SH3BGRL2: variants seen among roughly 807,000 people sequenced by gnomAD.
SH3BGRL2 encodes the protein SH3 domain-binding glutamic acid-rich-like protein 2.
Under a neutral mutation model 14.8 loss-of-function variants are expected in SH3BGRL2, and 21 were observed. The observed-to-expected ratio is 1.42, with a 90% CI of 1.01 to 2.05. The LOEUF is 2.05. Ranked by LOEUF, SH3BGRL2 falls within the 30% of genes most tolerant of loss-of-function variation. The pLI is 0.00. For synonymous variants in SH3BGRL2, 50 were observed against 47.8 expected, an observed-to-expected ratio of 1.05 and a Z score of -0.19; for missense variants, 147 against 130.8, an observed-to-expected ratio of 1.12 and a Z score of -0.61.
intron 1 of SH3BGRL2, among the ~76,000 whole-genome samples, chr6:79,655,480 TC>T (rs1769388239): frequency 6.6e-6 from 1 of 152,128 alleles, no homozygotes; most frequent in African/African-American, 2.4e-5. Context: ...ACTATACAAT[TC>T]GGTGGCTTTC....
the SH3BGRL2 span, among the ~76,000 whole-genome samples, chr6:79,625,342 A>G: frequency 3.9e-5 from 6 of 152,080 alleles, no homozygotes; most frequent in Non-Finnish European, 8.8e-5. Context: ...GGTTTCTGTT[A>G]ATTAAGATTT....
intron 1 of SH3BGRL2, among the ~76,000 whole-genome samples, chr6:79,648,474 G>A (rs1388393243): frequency 6.6e-6 from 1 of 150,798 alleles, no homozygotes; most frequent in Non-Finnish European, 1.5e-5. Context: ...AAAGCCAGTG[G>A]CATTGCTATT....
the SH3BGRL2 span, among the ~76,000 whole-genome samples, chr6:79,580,359 G>A: frequency 6.6e-5 from 10 of 152,116 alleles, no homozygotes; most frequent in South Asian, 6.2e-4. Flanking sequence ...GCATCACATC[G>A]CACCTACTCT....
At chr6:79,623,798 C>T in the SH3BGRL2 span, among the ~76,000 whole-genome samples, 1 of 152,096 alleles carries the variant, frequency 6.6e-6, no homozygotes, top group Non-Finnish European at 1.5e-5. Context: ...ATTCAGTAGG[C>T]CCCTCAAAAA....
At chr6:79,611,089 A>G in the SH3BGRL2 span, among the ~76,000 whole-genome samples, 235 of 152,310 alleles carry the variant, frequency 1.5e-3, 1 homozygote, top group Middle Eastern at 6.8e-3. Flanking sequence ...TTATTTTTAT[A>G]TATCAGCTTT....
chr6:79,537,913 A>G, the SH3BGRL2 span, among the ~76,000 whole-genome samples: 1 of 149,300 alleles, frequency 6.7e-6, no homozygotes, highest in South Asian at 2.1e-4. Flanking sequence ...CTGCCTCGAG[A>G]TCCTGGCTGT....
At chr6:79,581,243 G>T in the SH3BGRL2 span, among the ~76,000 whole-genome samples, 4 of 152,124 alleles carry the variant, frequency 2.6e-5, no homozygotes, top group Admixed American at 1.3e-4. Flanking sequence ...CTTCTGAAAC[G>T]ATTCCAATCA....
chr6:79,587,356 T>G, the SH3BGRL2 span, among the ~76,000 whole-genome samples: 1 of 151,988 alleles, frequency 6.6e-6, no homozygotes. Flanking sequence ...GACCTTAGAA[T>G]GACAGTCCTG....
chr6:79,621,898 C>T, the SH3BGRL2 span, among the ~76,000 whole-genome samples: 2 of 152,094 alleles, frequency 1.3e-5, no homozygotes, highest in Admixed American at 6.5e-5. Context: ...TGCTTGTCCT[C>T]TTCTTTCTTC....
the SH3BGRL2 span, among the ~76,000 whole-genome samples, chr6:79,586,235 CTTTTTTT>C: frequency 0.016 from 883 of 54,934 alleles, 6 homozygotes; most frequent in African/African-American, 0.061. Flanking sequence ...GTATGGACTT[CTTTTTTT>C]TTTTTTTTTT....
intron 2 of SH3BGRL2, among the ~76,000 whole-genome samples, chr6:79,676,575 A>T (rs1199032365): frequency 6.7e-6 from 1 of 150,306 alleles, no homozygotes; most frequent in African/African-American, 2.5e-5. Context: ...AGGCCTTTAG[A>T]TTGAATCTCC....
the SH3BGRL2 span, among the ~76,000 whole-genome samples, chr6:79,600,579 C>G: frequency 4.6e-5 from 7 of 152,054 alleles, no homozygotes; most frequent in Admixed American, 6.6e-5. Flanking sequence ...TCTCCTGCCC[C>G]ACAGAACCAG....
At chr6:79,697,127 C>G (rs1770348389) in intron 3 of SH3BGRL2, among the ~76,000 whole-genome samples, 1 of 151,952 alleles carries the variant, frequency 6.6e-6, no homozygotes, top group African/African-American at 2.4e-5. Flanking sequence ...CTTTATTAAG[C>G]TTATAGATTC....
At chr6:79,619,740 A>C in the SH3BGRL2 span, among the ~76,000 whole-genome samples, 2 of 152,150 alleles carry the variant, frequency 1.3e-5, no homozygotes, top group East Asian at 3.8e-4. Context: ...ATGGAGAGGG[A>C]TGAATGAGGG....
chr6:79,538,443 C>T, the SH3BGRL2 span, among the ~76,000 whole-genome samples: 3 of 152,098 alleles, frequency 2.0e-5, no homozygotes, highest in Non-Finnish European at 2.9e-5. Context: ...ACTAACCCAC[C>T]CAAACAATAT....
chr6:79,577,923 A>G, the SH3BGRL2 span, among the ~76,000 whole-genome samples: 1 of 152,212 alleles, frequency 6.6e-6, no homozygotes, highest in Non-Finnish European at 1.5e-5. Context: ...ACCCAAATGC[A>G]ATGCTTTTCC....
chr6:79,579,846 C>A, the SH3BGRL2 span, among the ~76,000 whole-genome samples: 2 of 152,162 alleles, frequency 1.3e-5, no homozygotes, highest in Non-Finnish European at 2.9e-5. Flanking sequence ...TTAAAAGACA[C>A]AGACTGACAA....
rs1475826871 is a variant in SH3BGRL2 at position 79,666,504 on chromosome 6, G to A, written c.46-7110G>A. Among the ~76,000 whole-genome samples the A allele has an allele frequency of 3.9e-5, 6 of 152,200 alleles. No homozygotes were observed. The East Asian group carries it at 1.2e-3, about 29-fold the overall frequency. On this transcript the variant is annotated intron_variant, in intron 1 of 3. Transcript: ENST00000369838. ...TTTTTGACAGCATAATCCCTAATAA[G>A]GCCAAGGATGGTGTTTTATTTAAAG...
chr6:79,557,742 A>G, the SH3BGRL2 span, among the ~76,000 whole-genome samples: 2 of 152,340 alleles, frequency 1.3e-5, no homozygotes, highest in Non-Finnish European at 2.9e-5. Flanking sequence ...CAAATATTAG[A>G]TGTCCAGAGA....
Sources: allele counts gnomAD v4.1 joint callset (sites outside exome capture counted in the v4.1 genomes callset), GRCh38; gene constraint gnomAD v4.1.1; transcripts MANE v1.5; gene names NCBI Gene and HGNC (gene_info 2026-07-23, HGNC 2026-07-21).